CD8A: variants seen among roughly 807,000 people sequenced by gnomAD.
The protein encoded by CD8A is T-cell surface glycoprotein CD8 alpha chain.
Under a neutral mutation model 24.2 loss-of-function variants are expected in CD8A, and 25 were observed. The observed-to-expected ratio is 1.03, with a 90% CI of 0.75 to 1.44. The LOEUF is 1.44. CD8A is among the 40% of genes most tolerant of loss of function. The probability of loss-of-function intolerance (pLI) is 0.00; values close to 1 mark genes in which losing one functional copy is unlikely to be tolerated. For synonymous variants in CD8A, 165 were observed against 149.9 expected (o/e 1.10, Z -0.74); for missense variants, 360 against 319.7 (o/e 1.13, Z -0.96).
chr2:86,793,915 G>A (rs1011959569), upstream of CD8A, among the ~76,000 whole-genome samples: 6 of 152,200 alleles, frequency 3.9e-5, no homozygotes, highest in Non-Finnish European at 5.9e-5. Flanking sequence ...TTGGGGTGGG[G>A]AGGATAAGGC....
chr2:86,803,140 G>A (rs552521871), intron 2 of CD8A, among the ~76,000 whole-genome samples: 3 of 152,186 alleles, frequency 2.0e-5, no homozygotes, highest in Non-Finnish European at 4.4e-5. Context: ...AGTTAAAAGT[G>A]AGTAAAGAAG....
chr2:86,791,945 G>C (rs906583473), upstream of CD8A, among the ~76,000 whole-genome samples: 3 of 152,214 alleles, frequency 2.0e-5, no homozygotes, highest in African/African-American at 7.2e-5. Flanking sequence ...CTGCAGGGAG[G>C]TGTGGGTGAT....
Position 86,785,874 on chromosome 2 carries a change from A to C in CD8A, c.*46T>G. 1 of 1,402,606 alleles carries C rather than the reference A, an allele frequency of 7.1e-7. No homozygotes were observed. Among genetic ancestry groups the C allele is most frequent in the Non-Finnish European group, 1.0e-6 (1 of 986,594 alleles). The allele number at this position is 1,402,606 out of a possible 1,614,324, so 86.9% of individuals were successfully genotyped here. A position where few individuals can be genotyped will look rare whatever the true frequency, so the allele number is the denominator to read the frequency against. On this transcript the variant is annotated 3_prime_UTR_variant, in exon 6 of 6. Transcript: ENST00000283635. ...GAAAGGGAAGGACTTGCTCCCTCAA[A>C]AGGAAGGATCTCAGTTTGAAGTAAT...
chr2:86,804,439 A>C (rs1673774185), intron 2 of CD8A, among the ~76,000 whole-genome samples: 1 of 152,166 alleles, frequency 6.6e-6, no homozygotes, highest in Non-Finnish European at 1.5e-5. Flanking sequence ...GAGGAGTGGG[A>C]GTTATGTTTA....
chr2:86,792,305 C>CT (rs1558736802), upstream of CD8A, among the ~76,000 whole-genome samples: 1 of 152,150 alleles, frequency 6.6e-6, no homozygotes, highest in African/African-American at 2.4e-5. Flanking sequence ...AGAGACAAGA[C>CT]ACCTGGCATT....
intron 2 of CD8A, among the ~76,000 whole-genome samples, chr2:86,807,281 A>G (rs1673940808): frequency 6.6e-6 from 1 of 152,174 alleles, no homozygotes; most frequent in African/African-American, 2.4e-5. Flanking sequence ...TGATTGCACC[A>G]CTGCACTCCA....
intron 1 of CD8A, chr2:86,808,087 G>A (rs910751272): frequency 1.3e-5 from 2 of 152,406 alleles, no homozygotes; most frequent in Non-Finnish European, 2.9e-5. Context: ...ACCAGAACCT[G>A]GATCCCTCCG....
intron 2 of CD8A, 73 bp downstream of exon 2, chr2:86,790,255 C>T: frequency 9.3e-7 from 1 of 1,080,934 alleles, no homozygotes; most frequent in East Asian, 2.4e-5. Context: ...GAAAGCAGGG[C>T]CCAGGTGTGG....
At chr2:86,807,937 C>T (rs116467335) in intron 1 of CD8A, among the ~76,000 whole-genome samples, 1,710 of 152,196 alleles carry the variant, frequency 0.011, 35 homozygotes, top group African/African-American at 0.038. Context: ...CCAACCGCAC[C>T]GGTGGAGACA....
chr2:86,795,608 G>A (rs954406260), upstream of CD8A, among the ~76,000 whole-genome samples: 69 of 152,140 alleles, frequency 4.5e-4, no homozygotes, highest in Non-Finnish European at 1.3e-4. Context: ...GGGTCTTGAG[G>A]GTCTGTTCTT....
At chr2:86,797,146 A>T (rs1331659071) in intron 3 of CD8A, among the ~76,000 whole-genome samples, 2 of 152,178 alleles carry the variant, frequency 1.3e-5, no homozygotes, top group East Asian at 3.8e-4. Flanking sequence ...AGTAACACTG[A>T]AACAGAAGCG....
Position 86,785,568 on chromosome 2 carries a change from T to C in CD8A, c.*352A>G, listed in dbSNP as rs1672963226. ...ATCAAGCTGTCTCTGGGCTTTAGCC[T>C]CCCCCTTTGTAAAACGGGCGGGGAA... On this transcript the variant is annotated 3_prime_UTR_variant, in exon 6 of 6. Transcript: ENST00000283635. 3.9e-6 allele frequency: 2 copies of C among 511,072 alleles called. No homozygotes were observed. The highest frequency in any genetic ancestry group is 7.6e-6 in the Non-Finnish European group (2 of 264,242). The allele number at this position is 511,072 out of a possible 1,614,324, so 31.7% of individuals were successfully genotyped here.
chr2:86,803,103 T>C (rs968939259), intron 2 of CD8A, among the ~76,000 whole-genome samples: 1 of 152,238 alleles, frequency 6.6e-6, no homozygotes, highest in African/African-American at 2.4e-5. Flanking sequence ...TTATGTCCTT[T>C]ATAGTGATGA....
At position 86,800,613 on chromosome 2, in the gene CD8A, A is replaced by G. The variant is rs555066477; in HGVS notation, c.-271+898T>C. On this transcript the variant is annotated intron_variant, in intron 3 of 8. Coordinates refer to the CD8A transcript ENST00000409511. The stretch of plus-strand genomic sequence containing the variant: ...AAGTGAAAGAAGAATGATGTCATTG[A>G]TGGCTACTTGGTAGGCTTCGGTAAA... 2.6e-5 allele frequency among the ~76,000 whole-genome samples: 4 copies of G among 152,316 alleles called. No homozygotes were observed. In the East Asian group the frequency reaches 7.7e-4, roughly 29 times the overall value.
At chr2:86,795,960 G>A (rs1673470630) in intron 3 of CD8A, among the ~76,000 whole-genome samples, 1 of 151,930 alleles carries the variant, frequency 6.6e-6, no homozygotes, top group Non-Finnish European at 1.5e-5. Flanking sequence ...TCCAAAAAGA[G>A]GCAAATTATT....
chr2:86,806,041 A>G (rs892542756), intron 2 of CD8A, among the ~76,000 whole-genome samples: 1 of 152,202 alleles, frequency 6.6e-6, no homozygotes, highest in African/African-American at 2.4e-5. Flanking sequence ...GAAACCTTAC[A>G]AAGCCAGTGG....
chr2:86,805,416 G>A (rs543748521), intron 2 of CD8A, among the ~76,000 whole-genome samples: 10 of 152,274 alleles, frequency 6.6e-5, no homozygotes, highest in Non-Finnish European at 1.2e-4. Context: ...ATTTTTCTCC[G>A]AAGTCATGGT....
chr2:86,793,912 G>A (rs4832315), upstream of CD8A, among the ~76,000 whole-genome samples: 78,658 of 152,110 alleles, frequency 0.52, 21,223 homozygotes, highest in East Asian at 0.92. Context: ...GGGTTGGGGT[G>A]GGGAGGATAA....
At chr2:86,787,718 C>T (rs1673075652) in intron 5 of CD8A, among the ~76,000 whole-genome samples, 1 of 152,140 alleles carries the variant, frequency 6.6e-6, no homozygotes, top group African/African-American at 2.4e-5. Flanking sequence ...TGTGCCTTTG[C>T]CACTTTACTA....
Sources: allele counts gnomAD v4.1 joint callset (sites outside exome capture counted in the v4.1 genomes callset), GRCh38; gene constraint gnomAD v4.1.1; transcripts MANE v1.5; gene names NCBI Gene and HGNC (gene_info 2026-07-23, HGNC 2026-07-21).